Variants in CTSB observed in about 807,000 individuals in gnomAD.
CTSB encodes the protein cathepsin B.
CTSB carries 57 observed loss-of-function variants against 44.3 expected under a neutral mutation model. The observed-to-expected ratio is 1.29, with a 90% confidence interval of 1.04 to 1.60. The LOEUF (loss-of-function observed/expected upper bound fraction) is 1.60, where lower values mean the gene tolerates loss of function less well. Among genes scored for constraint, CTSB ranks in the 40% most tolerant of loss-of-function variants. The pLI, the probability that CTSB is intolerant of heterozygous loss-of-function variation, is 0.00. For synonymous variants in CTSB, 320 were observed against 168.0 expected, an observed-to-expected ratio of 1.91 and a Z score of -7.00; for missense variants, 768 against 443.0, an observed-to-expected ratio of 1.73 and a Z score of -6.59.
In CTSB at chr8:11,847,825, G is replaced by A. The variant is rs1813708592; in HGVS notation, c.533-3C>T. ...AGGGATGGAGTACGGTCTGCACCCT[G>A]ATGGGACGCGGGAGAAAGCGGAGTC... On this transcript the variant is annotated splice_polypyrimidine_tract_variant and splice_region_variant and intron_variant, in intron 6 of 9. Transcript: ENST00000353047. The A allele has an allele frequency of 1.3e-6, 2 of 1,589,454 alleles. No homozygotes were observed. Among genetic ancestry groups the A allele is most frequent in the South Asian group, 1.1e-5 (1 of 87,124 alleles).
chr8:11,851,090 A>G, intron 3 of CTSB, 110 bp from the exon 4 acceptor site: 1 of 630,122 alleles, frequency 1.6e-6, no homozygotes, highest in Non-Finnish European at 2.8e-6. Flanking sequence ...AAATGAGCAC[A>G]AGACATGCCG....
chr8:11,846,058 A>G, intron 8 of CTSB: 1 of 296,104 alleles, frequency 3.4e-6, no homozygotes. Context: ...AATTTCTAAT[A>G]CATTCTAATT....
chr8:11,848,417 C>G, intron 5 of CTSB: 1 of 599,272 alleles, frequency 1.7e-6, no homozygotes, highest in Non-Finnish European at 3.1e-6. Flanking sequence ...CATACCAGAC[C>G]AGGCTACGAG....
intron 1 of CTSB, 25 bp downstream of exon 1, chr8:11,867,976 G>A (rs1166637812): frequency 6.6e-6 from 1 of 152,162 alleles, no homozygotes; most frequent in Non-Finnish European, 1.5e-5. Context: ...TTACGCTGCG[G>A]TGGCCCCGGG....
At chr8:11,851,610 C>A (rs1374005839) in intron 3 of CTSB, among the ~76,000 whole-genome samples, 1 of 152,170 alleles carries the variant, frequency 6.6e-6, no homozygotes, top group Non-Finnish European at 1.5e-5. Flanking sequence ...GTGTTTCTTG[C>A]CCTGCTCTCC....
chr8:11,853,221 G>C (rs1814918213), intron 2 of CTSB, 108 bp downstream of exon 2: 3 of 1,483,806 alleles, frequency 2.0e-6, no homozygotes, highest in African/African-American at 1.4e-5. Context: ...CAACAGTCCA[G>C]GACAATGTTC....
At chr8:11,864,676 G>T (rs938311499) in intron 1 of CTSB, among the ~76,000 whole-genome samples, 8 of 152,132 alleles carry the variant, frequency 5.3e-5, no homozygotes, top group Non-Finnish European at 7.3e-5. Flanking sequence ...TAAACACATG[G>T]CTGGGCACAG....
intron 1 of CTSB, among the ~76,000 whole-genome samples, chr8:11,855,556 G>A (rs1034689389): frequency 6.6e-6 from 1 of 152,142 alleles, no homozygotes; most frequent in South Asian, 2.1e-4. Context: ...AGGAAACACA[G>A]CCTTCAAGGG....
chr8:11,860,619 C>G (rs142067030), intron 1 of CTSB, among the ~76,000 whole-genome samples: 1 of 151,990 alleles, frequency 6.6e-6, no homozygotes, highest in Admixed American at 6.6e-5. Flanking sequence ...AGGGAAACTC[C>G]GTCTCAAAAA....
In CTSB at chr8:11,863,749, C is replaced by A. The variant is rs567035886; in HGVS notation, c.-26+4252G>T. On this transcript the variant is annotated intron_variant, in intron 1 of 9. Transcript: ENST00000353047. Reference sequence around the variant, plus strand: ...AACAGGGGTACCACTTCAAACCCATCAGATTGGCAAAAATCAAAGTCTGGT... The same window carrying A: ...AACAGGGGTACCACTTCAAACCCATAAGATTGGCAAAAATCAAAGTCTGGT... Among the ~76,000 whole-genome samples the A allele has an allele frequency of 2.6e-5, 4 of 152,226 alleles. No homozygotes were observed. The South Asian group carries it at 8.3e-4, about 32-fold the overall frequency.
At chr8:11,845,392 G>C (rs904312185) in intron 9 of CTSB, among the ~76,000 whole-genome samples, 170 bp from the exon 10 acceptor site, 1 of 152,176 alleles carries the variant, frequency 6.6e-6, no homozygotes, top group Admixed American at 6.5e-5. Flanking sequence ...ACACCTCCAC[G>C]GGCAAGCCCC....
intron 1 of CTSB, among the ~76,000 whole-genome samples, chr8:11,862,705 C>G (rs1237288224): frequency 6.6e-6 from 1 of 152,258 alleles, no homozygotes; most frequent in Non-Finnish European, 1.5e-5. Context: ...CCTCCTGGGA[C>G]TTGCGCAAGC....
chr8:11,853,276 T>G, intron 2 of CTSB, 53 bp downstream of exon 2: 2 of 1,601,958 alleles, frequency 1.2e-6, no homozygotes, highest in Admixed American at 3.4e-5. Context: ...GGAGTCAGTG[T>G]GCACAGACCG....
At chr8:11,866,943 G>GT (rs536736928) in intron 1 of CTSB, among the ~76,000 whole-genome samples, 59 of 152,322 alleles carry the variant, frequency 3.9e-4, no homozygotes, top group Non-Finnish European at 7.3e-4. Context: ...GCAGCAGGCA[G>GT]TGGGAATGTT....
intron 1 of CTSB, among the ~76,000 whole-genome samples, chr8:11,859,767 CAAAAAAAAAAAA>C (rs36047077): frequency 1.5e-4 from 6 of 38,980 alleles, no homozygotes; most frequent in East Asian, 1.4e-3. Flanking sequence ...GACTCTGTCT[CAAAAAAAAAAAA>C]AAAAAAAAAA....
intron 3 of CTSB, 94 bp from the exon 4 acceptor site, chr8:11,851,074 A>C: frequency 1.3e-6 from 1 of 750,822 alleles, no homozygotes; most frequent in East Asian, 2.8e-5. Flanking sequence ...CACTCCCCTA[A>C]CAAGGAAATG....
rs562665943 is a variant in CTSB, at chr8:11,851,681, G to A, written c.213-701C>T. ...CTCATATCATCCCCATTGTGCAGAA[G>A]GCAGTGTCGTGCAACTTAACTACCC... On this transcript the variant is annotated intron_variant, in intron 3 of 9. Coordinates refer to ENST00000353047, the MANE Select transcript of CTSB (RefSeq NM_001908.5). Among the ~76,000 whole-genome samples, 48 of 152,224 alleles carry A rather than the reference G, an allele frequency of 3.2e-4. 1 individual carries two copies. The South Asian group carries it at 9.8e-3, about 31-fold the overall frequency.
At position 11,845,102 on chromosome 8, in the gene CTSB, TG is replaced by T; in HGVS notation, c.*22del. ...TCTACCCCGATCTCGCCCCCAGGAC[TG>T]GCACGACAGGCCCACGGCAGATTAG... On this transcript the variant is annotated 3_prime_UTR_variant, in exon 10 of 10. Coordinates refer to ENST00000353047, the MANE Select transcript of CTSB (RefSeq NM_001908.5). 6.5e-7 allele frequency: 1 copy of T among 1,530,688 alleles called. No individual in the cohort carries two copies. Among genetic ancestry groups the T allele is most frequent in the Non-Finnish European group, 9.1e-7 (1 of 1,104,328 alleles). The allele number at this position is 1,530,688 out of a possible 1,614,324, so 94.8% of individuals were successfully genotyped here. A position where few individuals can be genotyped will look rare whatever the true frequency, so the allele number is the denominator to read the frequency against.
Position 11,845,048 on chromosome 8 carries a change from T to C in CTSB, c.*77A>G. 1 of 987,688 alleles carries C rather than the reference T, an allele frequency of 1.0e-6. No individual in the cohort carries two copies. Among genetic ancestry groups the C allele is most frequent in the Non-Finnish European group, 1.6e-6 (1 of 624,770 alleles). 61.2% of individuals were successfully genotyped at this position (987,688 alleles called of 1,614,324 possible). On this transcript the variant is annotated 3_prime_UTR_variant, in exon 10 of 10. Coordinates refer to ENST00000353047, the MANE Select transcript of CTSB (RefSeq NM_001908.5). ...TCAGACCCTGTCTGAAACTTGTATC[T>C]TACGTGAACTTAAAGAATAAAATGC...
Sources: gnomAD v4.1 joint callset for allele counts (sites outside exome capture counted in the v4.1 genomes callset) on GRCh38, gnomAD v4.1.1 for gene constraint, MANE v1.5 for transcripts, NCBI Gene and HGNC (gene_info 2026-07-23, HGNC 2026-07-21) for gene names.